SCHIP1: variants seen among roughly 807,000 people sequenced by gnomAD.
The protein encoded by SCHIP1 is schwannomin interacting protein 1, also known as schwannomin-interacting protein 1.
In SCHIP1, 8 loss-of-function variants were observed where a neutral mutation model predicts 29.7. That is an observed-to-expected ratio of 0.27 (90% CI 0.16 to 0.49). The LOEUF (loss-of-function observed/expected upper bound fraction) is 0.49, where lower values mean the gene tolerates loss of function less well. Among genes scored for constraint, SCHIP1 ranks in the 20% least tolerant of loss-of-function variants. The probability of loss-of-function intolerance (pLI) is 0.99; values close to 1 mark genes in which losing one functional copy is unlikely to be tolerated. For synonymous variants in SCHIP1, 76 were observed against 94.9 expected (o/e 0.80, Z 1.16); for missense variants, 193 against 294.6 (o/e 0.66, Z 2.52).
At chr3:159,432,111 G>A in the SCHIP1 span, among the ~76,000 whole-genome samples, 2 of 152,192 alleles carry the variant, frequency 1.3e-5, no homozygotes, top group South Asian at 4.1e-4. Flanking sequence ...CAGTTAAGAC[G>A]TTGACTGGAG....
the SCHIP1 span, among the ~76,000 whole-genome samples, chr3:159,403,396 G>GA: frequency 5.9e-5 from 9 of 152,046 alleles, no homozygotes; most frequent in Non-Finnish European, 1.2e-4. Flanking sequence ...GAAGTGGACA[G>GA]AAAAAACAGT....
the SCHIP1 span, among the ~76,000 whole-genome samples, chr3:159,631,190 C>A: frequency 1.3e-5 from 2 of 150,492 alleles, no homozygotes; most frequent in African/African-American, 4.9e-5. Context: ...CAGAAAATAA[C>A]AAGTGTTGGC....
chr3:159,550,568 T>C, the SCHIP1 span, among the ~76,000 whole-genome samples: 22 of 152,300 alleles, frequency 1.4e-4, no homozygotes, highest in African/African-American at 3.8e-4. Flanking sequence ...ATTAATTTCA[T>C]TTCCATATAG....
the SCHIP1 span, among the ~76,000 whole-genome samples, chr3:159,492,624 A>T: frequency 6.6e-6 from 1 of 152,232 alleles, no homozygotes; most frequent in African/African-American, 2.4e-5. Flanking sequence ...ACTACGTCTA[A>T]TTGCTGTACC....
At chr3:159,605,152 A>G in the SCHIP1 span, among the ~76,000 whole-genome samples, 1 of 152,236 alleles carries the variant, frequency 6.6e-6, no homozygotes, top group African/African-American at 2.4e-5. Flanking sequence ...CCTGTAGTTC[A>G]TAATCAGAGA....
At chr3:159,832,212 C>T in the SCHIP1 span, among the ~76,000 whole-genome samples, 1 of 152,274 alleles carries the variant, frequency 6.6e-6, no homozygotes, top group East Asian at 1.9e-4. Context: ...GCCATCTGTG[C>T]TCCTGTATCT....
At chr3:159,673,683 G>A in the SCHIP1 span, among the ~76,000 whole-genome samples, 11,101 of 152,202 alleles carry the variant, frequency 0.073, 1,040 homozygotes, top group African/African-American at 0.22. Flanking sequence ...CTAGAAATGC[G>A]TAAGCCAGCT....
the SCHIP1 span, among the ~76,000 whole-genome samples, chr3:159,473,927 C>T: frequency 6.6e-6 from 1 of 151,924 alleles, no homozygotes. Flanking sequence ...TAATTTGATC[C>T]CCTTTTTTTC....
At chr3:159,872,266 C>T (rs1267290522) in intron 2 of SCHIP1, among the ~76,000 whole-genome samples, 2 of 152,012 alleles carry the variant, frequency 1.3e-5, no homozygotes, top group Admixed American at 6.6e-5. Flanking sequence ...TTTAATAGCA[C>T]AAATATGTTG....
the SCHIP1 span, chr3:159,274,010 T>A: frequency 6.7e-7 from 1 of 1,494,340 alleles, no homozygotes; most frequent in Non-Finnish European, 8.9e-7. Flanking sequence ...CATTTTTAAA[T>A]TCAGAATTAA....
the SCHIP1 span, among the ~76,000 whole-genome samples, chr3:159,655,468 G>A: frequency 1.2e-4 from 18 of 152,270 alleles, no homozygotes; most frequent in Admixed American, 5.2e-4. Context: ...CTATGAGGCT[G>A]GCTGGAATGC....
rs1714052258 is a variant in SCHIP1 at position 159,861,449 on chromosome 3, G to A, written c.31-4714G>A. On this transcript the variant is annotated intron_variant, in intron 1 of 6. Transcript: ENST00000445224. The surrounding 1 kb of genome is among the most constrained non-coding windows in gnomAD (Gnocchi z 4.1). ...AGTAGAACAGGGCACATCAGGAAAG[G>A]CTGAGCATTGGTGTTCAGAGTCTGC... 6.6e-6 allele frequency among the ~76,000 whole-genome samples: 1 copy of A among 152,192 alleles called. No homozygotes were observed.
the SCHIP1 span, among the ~76,000 whole-genome samples, chr3:159,767,840 A>T: frequency 2.6e-5 from 4 of 152,204 alleles, no homozygotes; most frequent in African/African-American, 9.7e-5. Flanking sequence ...AGTGCTTGTC[A>T]CTATCTGACA....
chr3:159,280,749 C>A, the SCHIP1 span, among the ~76,000 whole-genome samples: 1 of 152,176 alleles, frequency 6.6e-6, no homozygotes, highest in African/African-American at 2.4e-5. Context: ...ATTTTCAACA[C>A]CAAGTGGCTA....
At chr3:159,592,753 C>T in the SCHIP1 span, among the ~76,000 whole-genome samples, 22 of 152,190 alleles carry the variant, frequency 1.4e-4, no homozygotes, top group Admixed American at 2.6e-4. Flanking sequence ...ACACAAGTCA[C>T]GGCCTGTTGT....
At chr3:159,340,942 C>A in the SCHIP1 span, among the ~76,000 whole-genome samples, 1 of 152,262 alleles carries the variant, frequency 6.6e-6, no homozygotes, top group Middle Eastern at 3.4e-3. Context: ...GGTGGTTTTA[C>A]TTGGTTCACC....
chr3:159,279,621 A>T, the SCHIP1 span, among the ~76,000 whole-genome samples: 1 of 152,146 alleles, frequency 6.6e-6, no homozygotes, highest in Non-Finnish European at 1.5e-5. Flanking sequence ...TAAACCTGGT[A>T]TAGCCTGCTA....
At chr3:159,832,892 T>C in the SCHIP1 span, among the ~76,000 whole-genome samples, 2 of 152,224 alleles carry the variant, frequency 1.3e-5, no homozygotes, top group African/African-American at 4.8e-5. Flanking sequence ...GAGACCACAT[T>C]CACATGACTG....
intron 2 of SCHIP1, among the ~76,000 whole-genome samples, chr3:159,884,253 C>A (rs1022949093): frequency 6.6e-6 from 1 of 150,658 alleles, no homozygotes; most frequent in Non-Finnish European, 1.5e-5. Flanking sequence ...TTTTTTAGAC[C>A]GACAGACATT....
Sources: allele counts gnomAD v4.1 joint callset (sites outside exome capture counted in the v4.1 genomes callset), GRCh38; gene constraint gnomAD v4.1.1; non-coding constraint Gnocchi (gnomAD v3.1); transcripts MANE v1.5; gene names NCBI Gene and HGNC (gene_info 2026-07-23, HGNC 2026-07-21).